GLRA1: variants seen among roughly 807,000 people sequenced by gnomAD.
GLRA1 encodes the protein glycine receptor subunit alpha-1.
A neutral mutation model predicts 48.3 loss-of-function variants in GLRA1; 37 were observed. The observed-to-expected ratio is 0.77, with a 90% confidence interval of 0.59 to 1.01. The LOEUF (loss-of-function observed/expected upper bound fraction) is 1.01. GLRA1 is among the 50% of genes least tolerant of loss of function. GLRA1 has a pLI of 0.00. For missense variants in GLRA1, 427 were observed against 571.0 expected, an observed-to-expected ratio of 0.75 and a Z score of 2.57; for synonymous variants, 196 against 210.7, an observed-to-expected ratio of 0.93 and a Z score of 0.60.
At chr5:151,837,697 A>G (rs1763612664) in intron 7 of GLRA1, among the ~76,000 whole-genome samples, 1 of 152,190 alleles carries the variant, frequency 6.6e-6, no homozygotes, top group South Asian at 2.1e-4. Context: ...ATTCTCGGCA[A>G]ACTAACACAA....
At chr5:151,827,472 C>T (rs999359295) in intron 8 of GLRA1, among the ~76,000 whole-genome samples, 3 of 152,052 alleles carry the variant, frequency 2.0e-5, no homozygotes, top group Non-Finnish European at 2.9e-5. Context: ...GGCACTTGTG[C>T]GGCAGGAACA....
At chr5:151,923,198 G>A (rs1308572979) in intron 1 of GLRA1, among the ~76,000 whole-genome samples, 3 of 152,220 alleles carry the variant, frequency 2.0e-5, no homozygotes, top group African/African-American at 7.2e-5. Context: ...TCAGATAAGG[G>A]GGGATGCCTT....
At chr5:151,903,487 G>A (rs1754409931) in intron 1 of GLRA1, among the ~76,000 whole-genome samples, 1 of 152,184 alleles carries the variant, frequency 6.6e-6, no homozygotes, top group Admixed American at 6.5e-5. Context: ...GACAGAGTCA[G>A]AGCTGCAGCT....
At chr5:151,902,287 A>G (rs1427604226) in intron 1 of GLRA1, among the ~76,000 whole-genome samples, 2 of 152,024 alleles carry the variant, frequency 1.3e-5, no homozygotes, top group Non-Finnish European at 2.9e-5. Flanking sequence ...TGGTAGAACC[A>G]TAACATAACT....
Position 151,892,292 on chromosome 5 carries a change from G to A in GLRA1, c.184+19C>T. Reference sequence around the variant, plus strand: ...GGGAAAGCATTTCCCTGTGGGTCTGGAAGGAATATTTTCTCTACCTTTAAA... The same window carrying A: ...GGGAAAGCATTTCCCTGTGGGTCTGAAAGGAATATTTTCTCTACCTTTAAA... On this transcript the variant is annotated intron_variant, in intron 2 of 8. Transcript: ENST00000274576. The A allele has an allele frequency of 1.2e-6, 2 of 1,612,220 alleles. No individual in the cohort carries two copies. The highest frequency in any genetic ancestry group is 1.7e-6 in the Non-Finnish European group (2 of 1,178,332).
chr5:151,832,831 G>A (rs528996779), intron 7 of GLRA1, among the ~76,000 whole-genome samples: 86 of 152,148 alleles, frequency 5.7e-4, no homozygotes, highest in Non-Finnish European at 9.4e-4. Flanking sequence ...AAGACCAACC[G>A]CAAGACACAT....
At chr5:151,885,990 T>C (rs956512712) in intron 3 of GLRA1, among the ~76,000 whole-genome samples, 18 of 152,166 alleles carry the variant, frequency 1.2e-4, no homozygotes, top group African/African-American at 4.3e-4. Context: ...TAGAGTTAAC[T>C]TTAGGCTGCC....
intron 3 of GLRA1, among the ~76,000 whole-genome samples, chr5:151,867,355 TG>T (rs1409201597): frequency 6.6e-6 from 1 of 152,162 alleles, no homozygotes; most frequent in African/African-American, 2.4e-5. Flanking sequence ...TAAGCCTATA[TG>T]TCTCACATCT....
At chr5:151,895,349 G>GC (rs1436873999) in intron 1 of GLRA1, among the ~76,000 whole-genome samples, 1 of 152,082 alleles carries the variant, frequency 6.6e-6, no homozygotes, top group African/African-American at 2.4e-5. Flanking sequence ...TGTGTATATT[G>GC]CATGTGTTTG....
chr5:151,836,301 AAG>A (rs1763577665), intron 7 of GLRA1, among the ~76,000 whole-genome samples: 1 of 152,226 alleles, frequency 6.6e-6, no homozygotes, highest in Non-Finnish European at 1.5e-5. Flanking sequence ...TCAAGGAAAT[AAG>A]AGAGGACACA....
At chr5:151,863,870 A>G (rs142325062) in intron 3 of GLRA1, among the ~76,000 whole-genome samples, 13 of 152,288 alleles carry the variant, frequency 8.5e-5, no homozygotes, top group African/African-American at 3.1e-4. Flanking sequence ...AAATATCAAT[A>G]GCTTCATAAA....
At chr5:151,895,947 C>T (rs1754217242) in intron 1 of GLRA1, among the ~76,000 whole-genome samples, 1 of 152,162 alleles carries the variant, frequency 6.6e-6, no homozygotes, top group African/African-American at 2.4e-5. Context: ...CCCGTACTCT[C>T]TCCAGCCCCT....
At chr5:151,918,382 C>T (rs79007962) in intron 1 of GLRA1, among the ~76,000 whole-genome samples, 195 of 152,302 alleles carry the variant, frequency 1.3e-3, no homozygotes, top group African/African-American at 4.4e-3. Context: ...TGGCCTTGTC[C>T]GTGGACAAGT....
intron 1 of GLRA1, among the ~76,000 whole-genome samples, chr5:151,900,471 T>C (rs533859523): frequency 6.6e-6 from 1 of 152,338 alleles, no homozygotes; most frequent in South Asian, 2.1e-4. Flanking sequence ...ATTGAGCACC[T>C]GCTGTTCCTA....
chr5:151,909,723 T>G (rs1754563321), intron 1 of GLRA1, among the ~76,000 whole-genome samples: 1 of 152,162 alleles, frequency 6.6e-6, no homozygotes, highest in Non-Finnish European at 1.5e-5. Context: ...TTGGTGTAAC[T>G]CTGATTTGAT....
chr5:151,882,838 A>G (rs1232459938), intron 3 of GLRA1, among the ~76,000 whole-genome samples: 2 of 152,182 alleles, frequency 1.3e-5, no homozygotes, highest in African/African-American at 4.8e-5. Context: ...ATCATAGTAC[A>G]TAAGTCTTCA....
chr5:151,899,087 T>C (rs540093947), intron 1 of GLRA1, among the ~76,000 whole-genome samples: 1 of 152,284 alleles, frequency 6.6e-6, no homozygotes, highest in Non-Finnish European at 1.5e-5. Context: ...GATGAAATAC[T>C]TGTGGGTAGG....
In GLRA1 at chr5:151,831,067, C is replaced by T. The variant is rs535720744; in HGVS notation, c.913-2000G>A. On this transcript the variant is annotated intron_variant, in intron 7 of 8. Transcript: ENST00000274576. ...GGGGTTGGGGATCTCCCTCCCCTGG[C>T]CAAGGGAAGCCCTGAGGGGCTGTGT... Among the ~76,000 whole-genome samples, 10 of 152,294 alleles carry T rather than the reference C, an allele frequency of 6.6e-5. No individual in the cohort carries two copies. In the South Asian group the frequency reaches 2.1e-3, roughly 32 times the overall value.
intron 1 of GLRA1, among the ~76,000 whole-genome samples, chr5:151,911,029 G>A (rs1353255882): frequency 7.2e-5 from 11 of 152,118 alleles, no homozygotes; most frequent in Non-Finnish European, 1.6e-4. Context: ...CTCTCAGCCA[G>A]GCTTCTAATT....
Sources: allele counts gnomAD v4.1 joint callset (sites outside exome capture counted in the v4.1 genomes callset), GRCh38; gene constraint gnomAD v4.1.1; transcripts MANE v1.5; gene names NCBI Gene and HGNC (gene_info 2026-07-23, HGNC 2026-07-21).